SCARF1: variants seen among roughly 807,000 people sequenced by gnomAD.
SCARF1 encodes scavenger receptor class F member 1.
A neutral mutation model predicts 76.3 loss-of-function variants in SCARF1; 49 were observed. The observed-to-expected ratio is 0.64, with a 90% CI of 0.51 to 0.81. The LOEUF is 0.81. SCARF1 is among the 40% of genes least tolerant of loss of function. SCARF1 has a pLI of 0.00. For synonymous variants in SCARF1, 495 were observed against 474.6 expected, an observed-to-expected ratio of 1.04 and a Z score of -0.56; for missense variants, 1,098 against 1,143.9, an observed-to-expected ratio of 0.96 and a Z score of 0.58.
At position 1,640,044 on chromosome 17, in the gene SCARF1, G is replaced by A. The variant is rs1208838137; in HGVS notation, c.1011-4C>T. The A allele has an allele frequency of 2.5e-6, 4 of 1,613,044 alleles. No homozygotes were observed. The highest frequency in any genetic ancestry group is 1.7e-5 in the Admixed American group (1 of 59,964). ...AGTGGGGCAGGGGTCTTCACACCTGGGGTGAGGCAAGACTCGGGGAAGGGG... is the reference window on the plus strand; with the variant it reads ...AGTGGGGCAGGGGTCTTCACACCTGAGGTGAGGCAAGACTCGGGGAAGGGG... On this transcript the variant is annotated splice_region_variant and splice_polypyrimidine_tract_variant and intron_variant, in intron 5 of 10. Coordinates refer to ENST00000263071, the MANE Select transcript of SCARF1 (RefSeq NM_003693.4). The surrounding 1 kb of genome is among the most constrained non-coding windows in gnomAD (Gnocchi z 4.7).
Position 1,644,980 on chromosome 17 carries a change from G to A in SCARF1, c.164-45C>T. On this transcript the variant is annotated intron_variant, in intron 2 of 10. Coordinates refer to ENST00000263071, the MANE Select transcript of SCARF1 (RefSeq NM_003693.4). This position sits in a 1 kb window ranked among gnomAD's most constrained non-coding sequence, Gnocchi z 4.8. ...GGTTGGAAAGACGGGAGCAGGACCA[G>A]GGGACACCCCTGCCCTCTCACTGGC... 6.3e-7 allele frequency: 1 copy of A among 1,594,782 alleles called. No individual in the cohort carries two copies. Among genetic ancestry groups the A allele is most frequent in the South Asian group, 1.1e-5 (1 of 89,464 alleles).
Position 1,634,797 on chromosome 17 carries a change from A to T in SCARF1, c.2454T>A (p.Tyr818Ter). ...GCCTGGAGATGGGTACAACATTCTC[A>T]TACTCAGGTTCCTCCTGCCTTTCCT... The part of the protein sequence containing the change: ...AEEERQEEPE[Y>*]ENVVPISRPP... Residue 818 changes from tyrosine (Y) to a stop codon, truncating the protein, a stop_gained, in exon 11 of 11, where the codon TAT (tyrosine) becomes TAA (stop). Coordinates refer to ENST00000263071, the MANE Select transcript of SCARF1 (RefSeq NM_003693.4). LOFTEE classifies it high-confidence loss of function. 6.2e-7 allele frequency: 1 copy of T among 1,607,440 alleles called. No homozygotes were observed. The highest frequency in any genetic ancestry group is 2.2e-5 in the East Asian group (1 of 44,768).
chr17:1,641,629 T>C (rs952342162), intron 4 of SCARF1, among the ~76,000 whole-genome samples: 3 of 152,340 alleles, frequency 2.0e-5, no homozygotes, highest in East Asian at 3.9e-4. Flanking sequence ...TGGGATCATA[T>C]ACTTGGGTCA....
chr17:1,642,492 T>C (rs904771464), intron 4 of SCARF1, among the ~76,000 whole-genome samples: 1 of 152,098 alleles, frequency 6.6e-6, no homozygotes. Flanking sequence ...ATTTCTTCCA[T>C]GTCCCTACAA....
rs1484063219 is a variant in SCARF1, at chr17:1,637,022, G to A, written c.1405C>T (p.Gln469Ter). The change falls in exon 9 of 11, where the codon CAG (glutamine) becomes TAG (stop). Residue 469 changes from glutamine (Q) to a stop codon, truncating the protein, a stop_gained. Transcript: ENST00000263071. LOFTEE classifies it high-confidence loss of function. ...AAGCTGGTCAGTGTCCCCCAGACCT[G>A]CAGCTTCATCCTGGACACGGTAGCT... ...DGATVSRMKL[Q>*]VWGTLTSLGS... 1 of 1,614,012 alleles carries A rather than the reference G, an allele frequency of 6.2e-7. No individual in the cohort carries two copies. Among genetic ancestry groups the A allele is most frequent in the Non-Finnish European group, 8.5e-7 (1 of 1,180,004 alleles).
At position 1,639,643 on chromosome 17, in the gene SCARF1, C is replaced by T; in HGVS notation, c.1239G>A (p.Gln413=). 1 of 1,563,278 alleles carries T rather than the reference C, an allele frequency of 6.4e-7. No homozygotes were observed. Among genetic ancestry groups the T allele is most frequent in the Admixed American group, 1.9e-5 (1 of 51,464 alleles). ...GLCHPVSGSC[Q]PGSGSRDTAL... ...CGCAGCCTTCTTCCACCTTACCTGGCTGGCAGGACCCAGAGACAGGGTGGC... is the reference window on the plus strand; with the variant it reads ...CGCAGCCTTCTTCCACCTTACCTGGTTGGCAGGACCCAGAGACAGGGTGGC... Residue 413 remains glutamine, a synonymous_variant, in exon 7 of 11, where the codon CAG becomes CAA. Coordinates refer to ENST00000263071, the MANE Select transcript of SCARF1 (RefSeq NM_003693.4).
In SCARF1 at chr17:1,645,651, C is replaced by A; in HGVS notation, c.47G>T (p.Gly16Val). The change falls in exon 1 of 11, where the codon GGG becomes GTG. Residue 16 changes from glycine (G) to valine (V), a missense_variant. By Grantham distance (109) the Gly-to-Val change is moderately radical (BLOSUM62 -3). Coordinates refer to ENST00000263071, the MANE Select transcript of SCARF1 (RefSeq NM_003693.4). This position sits in a 1 kb window ranked among gnomAD's most constrained non-coding sequence, Gnocchi z 6.3. The part of the protein sequence containing the change: ...LLPLLLLWTR[G>V]TQGSELDPKG... ...GGGGTCCAGCTCGGACCCCTGAGTC[C>A]CCCGAGTCCAGAGCAGCAGCAGCGG... 1 of 1,609,048 alleles carries A rather than the reference C, an allele frequency of 6.2e-7. No homozygotes were observed. Among genetic ancestry groups the A allele is most frequent in the Non-Finnish European group, 8.5e-7 (1 of 1,179,458 alleles).
chr17:1,641,005 T>C (rs1022718454), intron 4 of SCARF1, among the ~76,000 whole-genome samples: 23 of 152,178 alleles, frequency 1.5e-4, no homozygotes, highest in African/African-American at 5.1e-4. Context: ...CCTCCTGCTC[T>C]TTTCACTTTT....
At position 1,643,783 on chromosome 17, in the gene SCARF1, G is replaced by T; in HGVS notation, c.450C>A (p.Cys150Ter). Residue 150 changes from cysteine to a stop codon, truncating the protein, a stop_gained, in exon 4 of 11, where the codon TGC becomes TGA. Coordinates refer to ENST00000263071, the MANE Select transcript of SCARF1 (RefSeq NM_003693.4). LOFTEE classifies it high-confidence loss of function. ...ACGTGGACGACCACCAGCCGGGTTC[G>T]CAGTGGCACACGCCGGTCGCGGGGT... is the stretch of plus-strand genomic sequence containing the variant. ...RCDPATGVCHCEPGWWSSTCR... is the reference protein window; with the variant it reads ...RCDPATGVCH 1 of 1,276,292 alleles carries T rather than the reference G, an allele frequency of 7.8e-7. No homozygotes were observed. The highest frequency in any genetic ancestry group is 1.6e-5 in the African/African-American group (1 of 64,396). The allele number at this position is 1,276,292 out of a possible 1,614,324, so 79.1% of individuals were successfully genotyped here. A position where few individuals can be genotyped will look rare whatever the true frequency, so the allele number is the denominator to read the frequency against.
intron 4 of SCARF1, among the ~76,000 whole-genome samples, chr17:1,643,148 C>G (rs1480806359): frequency 1.5e-5 from 2 of 137,022 alleles, no homozygotes; most frequent in Admixed American, 1.4e-4. Context: ...GCCTCGCTCA[C>G]CTGTGTCCGC....
At chr17:1,643,252 T>C (rs1342778937) in intron 4 of SCARF1, 190 bp downstream of exon 4, 1 of 34,420 alleles carries the variant, frequency 2.9e-5, no homozygotes, top group African/African-American at 3.2e-4. Flanking sequence ...CGCCCACCGG[T>C]GTCCGCCCCG....
rs760373735 is a variant in SCARF1, at chr17:1,643,561, C to T, written c.672G>A (p.Glu224=). 1.9e-4 allele frequency: 284 copies of T among 1,471,856 alleles called. No individual in the cohort carries two copies. The highest frequency in any genetic ancestry group is 2.3e-4 in the Non-Finnish European group (263 of 1,119,280). The allele number at this position is 1,471,856 out of a possible 1,614,324, so 91.2% of individuals were successfully genotyped here. A position where few individuals can be genotyped will look rare whatever the true frequency, so the allele number is the denominator to read the frequency against. The change falls in exon 4 of 11, where the codon GAG becomes GAA. Residue 224 remains glutamate, a synonymous_variant. Coordinates refer to ENST00000263071, the MANE Select transcript of SCARF1 (RefSeq NM_003693.4). The stretch of plus-strand genomic sequence containing the variant: ...CGGCGCTGCAGCGGCCCCGCACACA[C>T]TCGCACTGCTGCTGGCATTCGGGAC... ...WWGPECQQQC[E]CVRGRCSAAS...
chr17:1,642,595 G>A (rs759327597), intron 4 of SCARF1, among the ~76,000 whole-genome samples: 12 of 152,024 alleles, frequency 7.9e-5, no homozygotes, highest in African/African-American at 2.9e-4. Flanking sequence ...TGTTGGACTC[G>A]ATCCACTTAT....
Position 1,643,703 on chromosome 17 carries a change from C to G in SCARF1, c.530G>C (p.Gly177Ala). ...TAAARCEQAT[G>A]ACVCKPGWWG... ...CCAGCCCGGCTTGCACACGCAGGCG[C>G]CCGTGGCCTGCTCGCAGCGCGCCGC... The change falls in exon 4 of 11, where the codon GGC (glycine) becomes GCC (alanine). Residue 177 changes from glycine to alanine, a missense_variant. By Grantham distance (60) the Gly-to-Ala change is moderately conservative. Coordinates refer to ENST00000263071, the MANE Select transcript of SCARF1 (RefSeq NM_003693.4). 1 of 1,370,328 alleles carries G rather than the reference C, an allele frequency of 7.3e-7. No individual in the cohort carries two copies. The highest frequency in any genetic ancestry group is 9.4e-7 in the Non-Finnish European group (1 of 1,068,380). 84.9% of individuals were successfully genotyped at this position (1,370,328 alleles called of 1,614,324 possible).
chr17:1,645,021 T>C lies in SCARF1; in HGVS notation c.164-86A>G, dbSNP rs189303615. On this transcript the variant is annotated intron_variant, in intron 2 of 10. Coordinates refer to ENST00000263071, the MANE Select transcript of SCARF1 (RefSeq NM_003693.4). This position sits in a 1 kb window ranked among gnomAD's most constrained non-coding sequence, Gnocchi z 6.3. The stretch of plus-strand genomic sequence containing the variant: ...TCTCACTGGCTCCAGGGGCCATGCC[T>C]CCTCAAGAGGTGCCCCTTCAGGCCT... 2.3e-4 allele frequency: 346 copies of C among 1,536,682 alleles called. 2 individuals carry two copies. The East Asian group carries it at 5.2e-3, about 23-fold the overall frequency.
Position 1,643,449 on chromosome 17 carries a change from C to T in SCARF1, c.784G>A (p.Ala262Thr), listed in dbSNP as rs539273842. The T allele has an allele frequency of 1.3e-5, 16 of 1,270,602 alleles. No homozygotes were observed. The African/African-American group carries it at 2.2e-4, about 17-fold the overall frequency. 78.7% of individuals were successfully genotyped at this position (1,270,602 alleles called of 1,614,324 possible). A position where few individuals can be genotyped will look rare whatever the true frequency, so the allele number is the denominator to read the frequency against. The part of the protein sequence containing the change: ...CPAGSHGVQC[A>T]HSCGRCKHNE... ...CCCGCCCCGCCCGCTCACCTGTGTG[C>T]GCACTGCACCCCGTGGCTGCCTGCC... Residue 262 changes from alanine to threonine, a missense_variant, in exon 4 of 11, where the codon GCA becomes ACA. Physicochemically the swap from Ala to Thr is moderately conservative, Grantham distance 58. Coordinates refer to ENST00000263071, the MANE Select transcript of SCARF1 (RefSeq NM_003693.4).
Position 1,645,637 on chromosome 17 carries a change from C to T in SCARF1, c.61G>A (p.Glu21Lys), listed in dbSNP as rs201683233. The change falls in exon 1 of 11, where the codon GAG (glutamate) becomes AAG (lysine). Residue 21 changes from glutamate to lysine, a missense_variant. Physicochemically the swap from Glu to Lys is moderately conservative, Grantham distance 56. Coordinates refer to ENST00000263071, the MANE Select transcript of SCARF1 (RefSeq NM_003693.4). This position sits in a 1 kb window ranked among gnomAD's most constrained non-coding sequence, Gnocchi z 6.3. ...LLWTRGTQGS[E>K]LDPKGQHVCV... ...ACGTGCTGCCCTTTGGGGTCCAGCT[C>T]GGACCCCTGAGTCCCCCGAGTCCAG... The T allele has an allele frequency of 9.6e-5, 155 of 1,608,842 alleles. No individual in the cohort carries two copies. The highest frequency in any genetic ancestry group is 1.3e-4 in the Non-Finnish European group (149 of 1,179,432).
rs751813163 is a variant in SCARF1 at position 1,634,851 on chromosome 17, T to C, written c.2400A>G (p.Pro800=). The C allele has an allele frequency of 1.2e-6, 2 of 1,614,116 alleles. No individual in the cohort carries two copies. The highest frequency in any genetic ancestry group is 1.1e-5 in the South Asian group (1 of 91,078). ...AQEPVSGCGS[P]EQDPQKQAEE... ...CAGCCTGCTTCTGGGGATCCTGTTC[T>C]GGGGAGCCACAGCCAGAGACTGGCT... is the stretch of plus-strand genomic sequence containing the variant. The change falls in exon 11 of 11, where the codon CCA becomes CCG. Residue 800 remains proline (P), a synonymous_variant. Transcript: ENST00000263071.
rs779962244 is a variant in SCARF1, at chr17:1,635,154, G to A, written c.2097C>T (p.Arg699=). 6 of 1,613,524 alleles carry A rather than the reference G, an allele frequency of 3.7e-6. No individual in the cohort carries two copies. The highest frequency in any genetic ancestry group is 2.2e-5 in the East Asian group (1 of 44,878). Residue 699 remains arginine, a synonymous_variant, in exon 11 of 11, where the codon CGC becomes CGT. Coordinates refer to ENST00000263071, the MANE Select transcript of SCARF1 (RefSeq NM_003693.4). ...TTIYMLAGKP[R]GSEGPVRSVF... ...CAGAGCGGACAGGGCCTTCGGATCC[G>A]CGGGGCTTCCCTGCCAGCATGTAGA...
Sources: allele counts gnomAD v4.1 joint callset (sites outside exome capture counted in the v4.1 genomes callset), GRCh38; gene constraint gnomAD v4.1.1; non-coding constraint Gnocchi (gnomAD v3.1); transcripts MANE v1.5; gene names NCBI Gene and HGNC (gene_info 2026-07-23, HGNC 2026-07-21).